The following DLGAP2 variants were observed in gnomAD, a reference collection of about 807,000 sequenced individuals.
The protein encoded by DLGAP2 is disks large-associated protein 2.
Under a neutral mutation model 100.3 loss-of-function variants are expected in DLGAP2, and 26 were observed. The observed-to-expected ratio is 0.26, with a 90% CI of 0.19 to 0.36. The LOEUF is 0.36. Ranked by LOEUF, DLGAP2 falls within the 10% of genes least tolerant of loss-of-function variation. The pLI is 1.00. For synonymous variants in DLGAP2, 886 were observed against 630.1 expected (o/e 1.41, Z -6.08); for missense variants, 1,858 against 1,453.2 (o/e 1.28, Z -4.53).
intron 2 of DLGAP2, among the ~76,000 whole-genome samples, chr8:1,162,466 A>G (rs1796911402): frequency 6.6e-6 from 1 of 152,224 alleles, no homozygotes; most frequent in Non-Finnish European, 1.5e-5. Context: ...AGAAATATGC[A>G]ACTCACTGCT....
intron 3 of DLGAP2, among the ~76,000 whole-genome samples, chr8:1,321,877 A>G (rs942210341): frequency 6.6e-6 from 1 of 152,224 alleles, no homozygotes; most frequent in Admixed American, 6.5e-5. Flanking sequence ...AGTGGAATTA[A>G]TATTCTCAGA....
At chr8:767,325 T>C (rs894510053) in intron 1 of DLGAP2, among the ~76,000 whole-genome samples, 5 of 151,228 alleles carry the variant, frequency 3.3e-5, no homozygotes, top group Non-Finnish European at 5.9e-5. Context: ...GGTACAGGTG[T>C]TGCTGGCTAC....
chr8:1,458,678 GA>G (rs1028880257), intron 3 of DLGAP2, among the ~76,000 whole-genome samples: 3 of 152,184 alleles, frequency 2.0e-5, no homozygotes, highest in Non-Finnish European at 4.4e-5. Context: ...CAGGTTGCAG[GA>G]CAGGGCTCAG....
chr8:1,039,841 C>T (rs1452752652), intron 2 of DLGAP2, among the ~76,000 whole-genome samples: 12 of 145,608 alleles, frequency 8.2e-5, no homozygotes, highest in Non-Finnish European at 1.7e-4. Context: ...GCTCGGTGTG[C>T]ATGTTCAGCT....
At chr8:1,675,041 A>T (rs1798778552) in intron 10 of DLGAP2, among the ~76,000 whole-genome samples, 1 of 152,182 alleles carries the variant, frequency 6.6e-6, no homozygotes, top group African/African-American at 2.4e-5. Context: ...TTCACTCAAG[A>T]ATGTTCTTCC....
intron 3 of DLGAP2, among the ~76,000 whole-genome samples, chr8:1,471,692 T>TCTC (rs1798799519): frequency 6.6e-6 from 1 of 151,340 alleles, no homozygotes; most frequent in Non-Finnish European, 1.5e-5. Context: ...AAATGCCTCT[T>TCTC]CAAGACCAAG....
At chr8:1,513,501 C>T (rs1004192129) in intron 4 of DLGAP2, among the ~76,000 whole-genome samples, 8 of 152,334 alleles carry the variant, frequency 5.3e-5, no homozygotes, top group East Asian at 1.9e-4. Context: ...TCAGAGGGGC[C>T]GTCACCCCCA....
chr8:1,247,312 G>A (rs1384432715), intron 2 of DLGAP2, among the ~76,000 whole-genome samples: 11 of 32,586 alleles, frequency 3.4e-4, no homozygotes, highest in African/African-American at 8.2e-4. Flanking sequence ...ATTGAGATCA[G>A]TGTGGGAGTG....
At chr8:1,475,475 C>T (rs1035291776) in intron 3 of DLGAP2, among the ~76,000 whole-genome samples, 6 of 152,124 alleles carry the variant, frequency 3.9e-5, no homozygotes, top group South Asian at 2.1e-4. Context: ...AAAATGAGAG[C>T]ACTCCGCACC....
chr8:1,468,869 C>T (rs1191925458), intron 3 of DLGAP2, among the ~76,000 whole-genome samples: 3 of 152,140 alleles, frequency 2.0e-5, no homozygotes, highest in East Asian at 3.9e-4. Context: ...CCACGCTGCC[C>T]GGCCCAGACT....
chr8:1,668,625 G>C lies in DLGAP2; in HGVS notation c.2107G>C (p.Val703Leu). 1 of 1,599,020 alleles carries C rather than the reference G, an allele frequency of 6.3e-7. No individual in the cohort carries two copies. The highest frequency in any genetic ancestry group is 8.5e-7 in the Non-Finnish European group (1 of 1,173,508). Residue 703 changes from valine (V) to leucine (L), a missense_variant, in exon 9 of 15, where the codon GTG (valine) becomes CTG (leucine). Val to Leu is a conservative substitution (Grantham distance 32, BLOSUM62 1). Coordinates refer to ENST00000637795, the MANE Select transcript of DLGAP2 (RefSeq NM_001346810.2). ...SVRTSDKAIL[V>L]SKAEELLKSR... ...GCGGACCAGCGACAAGGCCATCCTGGTGTCCAAGGCGGAGGAGCTCCTCAA... is the reference window on the plus strand; with the variant it reads ...GCGGACCAGCGACAAGGCCATCCTGCTGTCCAAGGCGGAGGAGCTCCTCAA...
chr8:1,429,861 G>T (rs550792598), intron 3 of DLGAP2, among the ~76,000 whole-genome samples: 2 of 150,526 alleles, frequency 1.3e-5, no homozygotes, highest in Admixed American at 6.6e-5. Flanking sequence ...TGTCCAAGGT[G>T]ATCTGGCCAT....
intron 4 of DLGAP2, among the ~76,000 whole-genome samples, chr8:1,516,720 A>G (rs916462057): frequency 6.6e-6 from 1 of 151,290 alleles, no homozygotes; most frequent in African/African-American, 2.4e-5. Flanking sequence ...ACTGAGTGAA[A>G]GAGTGAGTGA....
chr8:1,491,408 C>CTGCTCCCCCGATCCCGGAGGCTTCT (rs1799385009), intron 3 of DLGAP2, among the ~76,000 whole-genome samples: 1 of 38,292 alleles, frequency 2.6e-5, no homozygotes, highest in Non-Finnish European at 8.2e-5. Context: ...CGGAGGCTTC[C>CTGCTCCCCCGATCCCGGAGGCTTCT]GGCTGCTCCC....
At chr8:1,346,930 T>C (rs1030941780) in intron 3 of DLGAP2, among the ~76,000 whole-genome samples, 8 of 151,726 alleles carry the variant, frequency 5.3e-5, no homozygotes, top group East Asian at 1.9e-4. Context: ...CATACACGTC[T>C]GCATTGCTCT....
rs140712171 is a variant in DLGAP2 at position 1,444,280 on chromosome 8, A to G, written c.107-57086A>G. On this transcript the variant is annotated intron_variant, in intron 3 of 14. Transcript: ENST00000637795. ...ATCATCGTCTTCAATACTATGGCTG[A>G]AATATAATTTGCTTAACCAACTCCA... Among the ~76,000 whole-genome samples the G allele has an allele frequency of 6.3e-3, 961 of 152,292 alleles. 9 individuals carry two copies. The highest frequency in any genetic ancestry group is 0.021 in the African/African-American group (887 of 41,554).
chr8:1,634,143 G>T (rs566251466), intron 8 of DLGAP2, among the ~76,000 whole-genome samples: 18 of 152,344 alleles, frequency 1.2e-4, no homozygotes, highest in Admixed American at 2.0e-4. Context: ...CTCGCTGCAA[G>T]AACTTAGGCT....
At chr8:927,199 G>A in intron 2 of DLGAP2, 2 of 985,444 alleles carry the variant, frequency 2.0e-6, no homozygotes, top group Non-Finnish European at 2.4e-6. Context: ...CTCCTACAAA[G>A]GTAAGAACGC....
intron 2 of DLGAP2, among the ~76,000 whole-genome samples, chr8:1,063,527 T>A (rs941484763): frequency 2.6e-5 from 4 of 151,734 alleles, no homozygotes; most frequent in Non-Finnish European, 5.9e-5. Flanking sequence ...CTGGCTTTTT[T>A]TTTTTTTTTT....
Sources: gnomAD v4.1 joint callset for allele counts (sites outside exome capture counted in the v4.1 genomes callset) on GRCh38, gnomAD v4.1.1 for gene constraint, MANE v1.5 for transcripts, NCBI Gene and HGNC (gene_info 2026-07-23, HGNC 2026-07-21) for gene names.